The following GPC5 variants were observed in gnomAD, a reference collection of about 807,000 sequenced individuals.
GPC5 encodes glypican 5, also known as glypican-5.
In GPC5, 47 loss-of-function variants were observed where a neutral mutation model predicts 53.9. The observed-to-expected ratio is 0.87, with a 90% confidence interval of 0.69 to 1.11. GPC5 has a LOEUF of 1.11. Among genes scored for constraint, GPC5 ranks in the 50% most tolerant of loss-of-function variants. The probability of loss-of-function intolerance (pLI) is 0.00; values close to 1 mark genes in which losing one functional copy is unlikely to be tolerated. For missense variants in GPC5, 748 were observed against 713.1 expected (o/e 1.05, Z -0.56); for synonymous variants, 286 against 263.3 (o/e 1.09, Z -0.84).
intron 6 of GPC5, among the ~76,000 whole-genome samples, chr13:92,045,457 C>A (rs1378789044): frequency 6.6e-6 from 1 of 151,898 alleles, no homozygotes; most frequent in Admixed American, 6.6e-5. Context: ...CTAAACTTTC[C>A]CTGGGATATT....
In GPC5 at chr13:92,600,736, A is replaced by G. The variant is rs148626826; in HGVS notation, c.1562-265546A>G. Reference sequence around the variant, plus strand: ...TAGCCAGGCGAGTCTCAAACTCCTGACCTCAGGTGATGCACACACCTCGGC... The same window carrying G: ...TAGCCAGGCGAGTCTCAAACTCCTGGCCTCAGGTGATGCACACACCTCGGC... On this transcript the variant is annotated intron_variant, in intron 7 of 7. Coordinates refer to ENST00000377067, the MANE Select transcript of GPC5 (RefSeq NM_004466.6). Among the ~76,000 whole-genome samples the G allele has an allele frequency of 7.1e-3, 1,069 of 149,948 alleles. 21 individuals carry two copies. Among genetic ancestry groups the G allele is most frequent in the East Asian group, 0.039 (196 of 5,086 alleles).
At chr13:91,810,600 T>C (rs2038295110) in intron 5 of GPC5, among the ~76,000 whole-genome samples, 2 of 151,854 alleles carry the variant, frequency 1.3e-5, no homozygotes, top group East Asian at 1.9e-4. Context: ...TAAATAAAAA[T>C]AGAGTAAAAA....
At chr13:92,758,923 G>T (rs1280939573) in intron 7 of GPC5, among the ~76,000 whole-genome samples, 1 of 148,390 alleles carries the variant, frequency 6.7e-6, no homozygotes, top group Admixed American at 6.7e-5. Context: ...TAAAAGAAGG[G>T]TCCAATTTCA....
intron 5 of GPC5, among the ~76,000 whole-genome samples, chr13:91,817,591 G>A (rs1449556763): frequency 1.7e-4 from 26 of 151,930 alleles, no homozygotes; most frequent in Non-Finnish European, 5.9e-5. Context: ...ATTTTTTGGG[G>A]AAAAAAAGTA....
At chr13:92,746,737 G>A (rs957858813) in intron 7 of GPC5, among the ~76,000 whole-genome samples, 7 of 151,962 alleles carry the variant, frequency 4.6e-5, no homozygotes, top group African/African-American at 1.7e-4. Flanking sequence ...TGTAAACAAA[G>A]GTATTTATCT....
chr13:91,974,734 A>G (rs1290258388), intron 6 of GPC5, among the ~76,000 whole-genome samples: 1 of 152,218 alleles, frequency 6.6e-6, no homozygotes, highest in Non-Finnish European at 1.5e-5. Flanking sequence ...CCATCAAGTT[A>G]CCAATGACTT....
At chr13:92,153,839 T>C (rs1001789001) in intron 7 of GPC5, among the ~76,000 whole-genome samples, 4 of 152,242 alleles carry the variant, frequency 2.6e-5, no homozygotes, top group Non-Finnish European at 4.4e-5. Flanking sequence ...TTAACTTCTA[T>C]TTCCCTCATA....
chr13:92,591,912 C>A (rs902462231), intron 7 of GPC5, among the ~76,000 whole-genome samples: 3 of 152,142 alleles, frequency 2.0e-5, no homozygotes, highest in Non-Finnish European at 4.4e-5. Context: ...AATGTGAGCA[C>A]CTGCTAAGCC....
At chr13:92,072,992 G>A (rs1236386685) in intron 6 of GPC5, among the ~76,000 whole-genome samples, 1 of 151,808 alleles carries the variant, frequency 6.6e-6, no homozygotes, top group Non-Finnish European at 1.5e-5. Context: ...TATTTTATTT[G>A]GGATTTTGGA....
intron 2 of GPC5, among the ~76,000 whole-genome samples, chr13:91,564,072 A>C (rs1362190153): frequency 6.6e-6 from 1 of 152,126 alleles, no homozygotes; most frequent in Non-Finnish European, 1.5e-5. Context: ...ATCTGGACAA[A>C]GTTCCACATG....
chr13:92,825,470 A>C, intron 7 of GPC5, among the ~76,000 whole-genome samples: 1 of 152,288 alleles, frequency 6.6e-6, no homozygotes, highest in East Asian at 1.9e-4. Context: ...GGTCACTTTC[A>C]TAAGTCCAGG....
At chr13:92,789,823 G>A (rs950087292) in intron 7 of GPC5, among the ~76,000 whole-genome samples, 2 of 152,080 alleles carry the variant, frequency 1.3e-5, no homozygotes, top group African/African-American at 2.4e-5. Flanking sequence ...CAATCACAAG[G>A]TGAAGTCCCA....
At chr13:92,415,624 A>C (rs1217869241) in intron 7 of GPC5, among the ~76,000 whole-genome samples, 1 of 151,710 alleles carries the variant, frequency 6.6e-6, no homozygotes, top group Non-Finnish European at 1.5e-5. Context: ...ACGTTGAGTG[A>C]GTCTTCAATT....
intron 6 of GPC5, among the ~76,000 whole-genome samples, chr13:92,057,969 C>T (rs983704559): frequency 2.0e-5 from 3 of 151,912 alleles, no homozygotes; most frequent in Non-Finnish European, 4.4e-5. Context: ...TAGTTCTGGA[C>T]GGAGGCCTGT....
intron 2 of GPC5, among the ~76,000 whole-genome samples, chr13:91,562,885 C>T (rs1307355068): frequency 6.6e-6 from 1 of 151,938 alleles, no homozygotes. Flanking sequence ...GTCTCTAAAC[C>T]ATCTTTAATT....
intron 2 of GPC5, among the ~76,000 whole-genome samples, chr13:91,471,970 A>G (rs772939587): frequency 1.3e-5 from 2 of 152,084 alleles, no homozygotes; most frequent in Non-Finnish European, 2.9e-5. Flanking sequence ...GGTGCTTTGC[A>G]TTTTCTTGCT....
intron 2 of GPC5, among the ~76,000 whole-genome samples, chr13:91,515,531 T>C (rs1885452920): frequency 6.6e-6 from 1 of 152,178 alleles, no homozygotes; most frequent in Non-Finnish European, 1.5e-5. Context: ...TTGCCTAAGG[T>C]CATAAAGTTT....
intron 7 of GPC5, among the ~76,000 whole-genome samples, chr13:92,350,207 C>A (rs2043464131): frequency 1.3e-5 from 2 of 152,130 alleles, no homozygotes; most frequent in Middle Eastern, 3.4e-3. Flanking sequence ...AAACTCTCAC[C>A]AAATTTAGTA....
intron 6 of GPC5, among the ~76,000 whole-genome samples, chr13:92,065,611 C>T (rs1170707226): frequency 4.6e-5 from 7 of 152,060 alleles, no homozygotes; most frequent in Non-Finnish European, 8.8e-5. Flanking sequence ...TTAGATCGAA[C>T]GGATGTTTTG....
Sources: allele counts gnomAD v4.1 joint callset (sites outside exome capture counted in the v4.1 genomes callset), GRCh38; gene constraint gnomAD v4.1.1; transcripts MANE v1.5; gene names NCBI Gene and HGNC (gene_info 2026-07-23, HGNC 2026-07-21).